NBEA: variants seen among roughly 807,000 people sequenced by gnomAD.
NBEA encodes lysosomal-trafficking regulator 2.
In NBEA, 44 loss-of-function variants were observed where a neutral mutation model predicts 343.4. The observed-to-expected ratio is 0.13, with a 90% CI of 0.10 to 0.16. The LOEUF is 0.16. NBEA is among the 10% of genes least tolerant of loss of function. The pLI is 1.00. For missense variants in NBEA, 2,555 were observed against 3,631.3 expected (o/e 0.70, Z 7.62); for synonymous variants, 1,175 against 1,238.7 (o/e 0.95, Z 1.08).
intron 23 of NBEA, among the ~76,000 whole-genome samples, chr13:35,162,303 T>C (rs17051898): frequency 0.11 from 16,693 of 152,188 alleles, 1,125 homozygotes; most frequent in African/African-American, 0.18. Flanking sequence ...TAATAGTAAA[T>C]GTGAAACAAA....
At chr13:35,100,371 A>T (rs1261920598) in intron 11 of NBEA, among the ~76,000 whole-genome samples, 1 of 152,054 alleles carries the variant, frequency 6.6e-6, no homozygotes, top group African/African-American at 2.4e-5. Context: ...GATTTTTTCC[A>T]TAACATTATT....
At chr13:35,430,449 T>A (rs2045027373) in intron 38 of NBEA, among the ~76,000 whole-genome samples, 1 of 152,198 alleles carries the variant, frequency 6.6e-6, no homozygotes, top group African/African-American at 2.4e-5. Flanking sequence ...TTTAGTTTAA[T>A]TAAGTCCCAT....
At chr13:35,559,103 A>G (rs1272559724) in intron 44 of NBEA, among the ~76,000 whole-genome samples, 1 of 152,206 alleles carries the variant, frequency 6.6e-6, no homozygotes, top group African/African-American at 2.4e-5. Flanking sequence ...TAGGAGTGCC[A>G]GTTTAAACTG....
intron 1 of NBEA, among the ~76,000 whole-genome samples, chr13:34,959,380 G>A (rs1180079119): frequency 6.6e-6 from 1 of 151,974 alleles, no homozygotes; most frequent in African/African-American, 2.4e-5. Flanking sequence ...GATTGGAGGT[G>A]CAGTCTTTCA....
rs1356513283 is a variant in NBEA at position 35,126,198 on chromosome 13, C to A, written c.2336+2624C>A. 5.3e-5 allele frequency among the ~76,000 whole-genome samples: 8 copies of A among 152,082 alleles called. No individual in the cohort carries two copies. In the East Asian group the frequency reaches 1.5e-3, roughly 29 times the overall value. On this transcript the variant is annotated intron_variant, in intron 17 of 58. Transcript: ENST00000379939. Reference sequence around the variant, plus strand: ...GGTTTTGTAAGCATTTGGCATTTCCCCTGCTTTCCCTCACTCCATCTTCCT... The same window carrying A: ...GGTTTTGTAAGCATTTGGCATTTCCACTGCTTTCCCTCACTCCATCTTCCT...
chr13:35,064,956 C>T (rs73483910), intron 8 of NBEA, among the ~76,000 whole-genome samples: 2 of 150,506 alleles, frequency 1.3e-5, no homozygotes, highest in East Asian at 2.0e-4. Context: ...TCATAGCAGA[C>T]CCAGCAAGCT....
intron 34 of NBEA, among the ~76,000 whole-genome samples, chr13:35,280,748 G>T (rs1365025736): frequency 1.3e-5 from 2 of 151,786 alleles, no homozygotes; most frequent in Non-Finnish European, 2.9e-5. Flanking sequence ...TTTATCCTTG[G>T]AAATGACTGG....
chr13:35,326,571 T>G (rs1320344955), intron 36 of NBEA, among the ~76,000 whole-genome samples: 2 of 151,976 alleles, frequency 1.3e-5, no homozygotes, highest in Non-Finnish European at 2.9e-5. Flanking sequence ...TAGATTCATA[T>G]TGTCAGTAAT....
rs1424314711 is a variant in NBEA, at chr13:35,667,467, C to T, written c.8558C>T (p.Ser2853Phe). Residue 2853 changes from serine to phenylalanine, a missense_variant, in exon 57 of 59, where the codon TCC (serine) becomes TTC (phenylalanine). Around this residue, in one of 21 missense-constraint regions of NBEA, gnomAD observed 186 missense variants for 328.9 expected, o/e 0.57. Transcript: ENST00000379939. The part of the protein sequence containing the change: ...NCLFPRLISV[S>F]SEGHCIIYYE... ...TTATTCCCACGCTTGATATCTGTCT[C>T]CAGCGAAGGCCACTGTATCATATAC... The T allele has an allele frequency of 6.2e-7, 1 of 1,613,970 alleles. No homozygotes were observed. The highest frequency in any genetic ancestry group is 8.5e-7 in the Non-Finnish European group (1 of 1,179,870).
intron 21 of NBEA, among the ~76,000 whole-genome samples, chr13:35,157,600 A>G (rs1593544951): frequency 6.6e-6 from 1 of 152,226 alleles, no homozygotes; most frequent in East Asian, 1.9e-4. Context: ...AGTCTCTGAA[A>G]TATACTTTTT....
At chr13:34,983,844 C>T (rs1260218212) in intron 1 of NBEA, among the ~76,000 whole-genome samples, 1 of 152,066 alleles carries the variant, frequency 6.6e-6, no homozygotes, top group Non-Finnish European at 1.5e-5. Flanking sequence ...CTGTTCATAT[C>T]CTTTGCCCAC....
intron 40 of NBEA, among the ~76,000 whole-genome samples, chr13:35,459,019 AC>A (rs1163098513): frequency 0.024 from 1,719 of 72,158 alleles, 111 homozygotes; most frequent in African/African-American, 0.11. Context: ...CCCCCCCCCC[AC>A]ACACACACAC....
intron 17 of NBEA, among the ~76,000 whole-genome samples, chr13:35,124,247 GC>G (rs2066953163): frequency 6.9e-6 from 1 of 145,658 alleles, no homozygotes; most frequent in Non-Finnish European, 1.5e-5. Context: ...CCTCATTTTC[GC>G]CCTTGTTTTT....
chr13:35,663,680 T>A (rs1003233944), intron 55 of NBEA, among the ~76,000 whole-genome samples: 10 of 151,604 alleles, frequency 6.6e-5, no homozygotes, highest in Non-Finnish European at 1.2e-4. Flanking sequence ...TTTGAAACAA[T>A]TTTTTTTTCT....
intron 1 of NBEA, among the ~76,000 whole-genome samples, chr13:35,026,339 T>C (rs1310732768): frequency 6.6e-6 from 1 of 152,152 alleles, no homozygotes; most frequent in Non-Finnish European, 1.5e-5. Flanking sequence ...CAGACTAATA[T>C]AGAGCCTCCT....
intron 10 of NBEA, among the ~76,000 whole-genome samples, 159 bp from the exon 11 acceptor site, chr13:35,098,138 A>T (rs2065434113): frequency 6.6e-6 from 1 of 152,190 alleles, no homozygotes; most frequent in African/African-American, 2.4e-5. Flanking sequence ...TTATGAGGAA[A>T]TATATTCTTT....
chr13:35,443,194 G>A (rs2045832654), intron 39 of NBEA, among the ~76,000 whole-genome samples: 2 of 152,084 alleles, frequency 1.3e-5, no homozygotes, highest in South Asian at 4.1e-4. Flanking sequence ...TCAAAACACA[G>A]CCTACCTAAA....
chr13:35,243,982 G>T (rs1232369019), intron 34 of NBEA, among the ~76,000 whole-genome samples: 1 of 151,826 alleles, frequency 6.6e-6, no homozygotes, highest in Non-Finnish European at 1.5e-5. Context: ...CTCTAGGTTA[G>T]ACCATATGTT....
At chr13:35,538,482 T>TAA (rs78995688) in intron 41 of NBEA, among the ~76,000 whole-genome samples, 21 of 151,094 alleles carry the variant, frequency 1.4e-4, no homozygotes, top group East Asian at 9.7e-4. Flanking sequence ...TACATAACAG[T>TAA]AAAAAAAAAG....
Sources: allele counts gnomAD v4.1 joint callset (sites outside exome capture counted in the v4.1 genomes callset), GRCh38; gene constraint gnomAD v4.1.1; regional missense constraint gnomAD v4.1.1; transcripts MANE v1.5; gene names NCBI Gene and HGNC (gene_info 2026-07-23, HGNC 2026-07-21).